Variants in CPED1 observed in about 807,000 individuals in gnomAD.
CPED1 encodes the protein cadherin like and PC-esterase domain containing 1.
Under a neutral mutation model 128.2 loss-of-function variants are expected in CPED1, and 114 were observed. The ratio of observed to expected loss-of-function variants is 0.89; its 90% CI spans 0.76 to 1.04. CPED1 has a LOEUF of 1.04. Ranked by LOEUF, CPED1 falls within the 50% of genes least tolerant of loss-of-function variation. CPED1 has a pLI of 0.00. For missense variants in CPED1, 1,211 were observed against 1,207.1 expected (o/e 1.00, Z -0.05); for synonymous variants, 462 against 426.7 (o/e 1.08, Z -1.02).
intron 13 of CPED1, among the ~76,000 whole-genome samples, chr7:121,135,290 AT>A (rs1024670446): frequency 2.0e-5 from 3 of 151,460 alleles, no homozygotes; most frequent in East Asian, 3.9e-4. Flanking sequence ...TGTCAATAAT[AT>A]TTTTTTTTAG....
Position 121,177,643 on chromosome 7 carries a change from G to A in CPED1, c.2055+35502G>A, listed in dbSNP as rs575144087. On this transcript the variant is annotated intron_variant, in intron 16 of 22. Coordinates refer to ENST00000310396, the MANE Select transcript of CPED1 (RefSeq NM_024913.5). ...AGTTACACACATATAACAGTGCAAC[G>A]GCTAGTTCCTTCCAAAGAGCAGTGA... 5.9e-5 allele frequency among the ~76,000 whole-genome samples: 9 copies of A among 151,940 alleles called. No individual in the cohort carries two copies. In the South Asian group the frequency reaches 1.5e-3, roughly 25 times the overall value.
chr7:121,016,487 A>G (rs1052167146), intron 3 of CPED1, among the ~76,000 whole-genome samples: 4 of 152,208 alleles, frequency 2.6e-5, no homozygotes, highest in Admixed American at 2.6e-4. Flanking sequence ...GGTCACATTT[A>G]ACTTACACTA....
intron 22 of CPED1, among the ~76,000 whole-genome samples, chr7:121,286,419 C>A (rs1792574687): frequency 6.6e-6 from 1 of 152,182 alleles, no homozygotes; most frequent in South Asian, 2.1e-4. Context: ...CATAACTAAA[C>A]AAGCATGGCA....
intron 4 of CPED1, chr7:121,062,768 T>C (rs1218393757): frequency 1.3e-5 from 2 of 152,152 alleles, no homozygotes; most frequent in Admixed American, 6.6e-5. Flanking sequence ...GGGAGATAAT[T>C]GAATCATGGG....
In CPED1 at chr7:121,116,960, C is replaced by A. The variant is rs201066444; in HGVS notation, c.919-7371C>A. ...ATAGAAACTCTCTCTCTCTCTCTCT[C>A]TCTATATATATATATATACACACAC... On this transcript the variant is annotated intron_variant, in intron 7 of 22. Transcript: ENST00000310396. 6.2e-3 allele frequency among the ~76,000 whole-genome samples: 511 copies of A among 82,294 alleles called. 2 individuals are homozygous for A. Among genetic ancestry groups the A allele is most frequent in the African/African-American group, 0.017 (455 of 26,634 alleles). The allele number at this position is 82,294 out of a possible 152,430, so 54.0% of individuals were successfully genotyped here.
intron 17 of CPED1, among the ~76,000 whole-genome samples, chr7:121,240,646 T>C (rs1353322951): frequency 6.6e-6 from 1 of 151,376 alleles, no homozygotes; most frequent in Non-Finnish European, 1.5e-5. Context: ...TAGCCTAATA[T>C]GATAAAAGGA....
At chr7:121,105,507 G>T (rs1229514759) in intron 7 of CPED1, among the ~76,000 whole-genome samples, 1 of 152,100 alleles carries the variant, frequency 6.6e-6, no homozygotes, top group Non-Finnish European at 1.5e-5. Flanking sequence ...ATTTATGTCA[G>T]CTGTAGAAAG....
chr7:121,050,753 C>T (rs544697775), intron 4 of CPED1: 12 of 452,778 alleles, frequency 2.7e-5, no homozygotes, highest in African/African-American at 1.0e-4. Flanking sequence ...TGTGAGCCAC[C>T]GTGCCCGGCC....
intron 7 of CPED1, among the ~76,000 whole-genome samples, chr7:121,104,717 A>T (rs1322314386): frequency 6.6e-6 from 1 of 152,154 alleles, no homozygotes; most frequent in Non-Finnish European, 1.5e-5. Flanking sequence ...TTATATGAAG[A>T]TGATTCCTTG....
chr7:121,117,395 C>T (rs958839583), intron 7 of CPED1, among the ~76,000 whole-genome samples: 6 of 152,048 alleles, frequency 3.9e-5, no homozygotes, highest in African/African-American at 1.4e-4. Flanking sequence ...GCCACCACAC[C>T]TGGCCAAATT....
At chr7:121,202,347 A>AGGAGGAAGT (rs1797418608) in intron 16 of CPED1, among the ~76,000 whole-genome samples, 1 of 152,164 alleles carries the variant, frequency 6.6e-6, no homozygotes, top group Non-Finnish European at 1.5e-5. Context: ...CATTGGAGAC[A>AGGAGGAAGT]GGAGGAAGTG....
chr7:121,008,046 G>A (rs1036050819), intron 2 of CPED1, among the ~76,000 whole-genome samples: 22 of 151,746 alleles, frequency 1.4e-4, no homozygotes, highest in Non-Finnish European at 4.4e-5. Flanking sequence ...GGTGGCTTGC[G>A]GTTTTTAGAA....
At chr7:121,020,883 T>C (rs998825062) in intron 3 of CPED1, among the ~76,000 whole-genome samples, 1 of 151,932 alleles carries the variant, frequency 6.6e-6, no homozygotes, top group African/African-American at 2.4e-5. Flanking sequence ...TAAACAACAG[T>C]AAGTTATGCA....
intron 16 of CPED1, among the ~76,000 whole-genome samples, chr7:121,198,522 T>C (rs1381922346): frequency 6.6e-6 from 1 of 152,082 alleles, no homozygotes; most frequent in Admixed American, 6.6e-5. Context: ...ATGGGGTTGT[T>C]CCCTGTGTTT....
intron 3 of CPED1, among the ~76,000 whole-genome samples, chr7:121,046,530 C>T (rs1793205239): frequency 6.6e-6 from 1 of 151,854 alleles, no homozygotes; most frequent in Non-Finnish European, 1.5e-5. Context: ...ATTATTTTTT[C>T]TCCCAAATCT....
chr7:121,035,034 G>A (rs1301864547), intron 3 of CPED1, among the ~76,000 whole-genome samples: 1 of 152,094 alleles, frequency 6.6e-6, no homozygotes, highest in Non-Finnish European at 1.5e-5. Flanking sequence ...GGAGGGAAGA[G>A]CATTCAAAAG....
intron 3 of CPED1, among the ~76,000 whole-genome samples, chr7:121,021,457 G>A (rs1792439971): frequency 6.6e-6 from 1 of 151,878 alleles, no homozygotes; most frequent in African/African-American, 2.4e-5. Context: ...ATCCACGACA[G>A]ATCAATCTTA....
chr7:121,241,526 T>G (rs984420987), intron 17 of CPED1, among the ~76,000 whole-genome samples: 2 of 152,074 alleles, frequency 1.3e-5, no homozygotes, highest in Non-Finnish European at 2.9e-5. Context: ...AACCAGAAAC[T>G]TTAGAAACAT....
intron 16 of CPED1, among the ~76,000 whole-genome samples, chr7:121,190,762 A>G (rs1354600897): frequency 6.6e-6 from 1 of 152,076 alleles, no homozygotes; most frequent in African/African-American, 2.4e-5. Flanking sequence ...TTGACCGTCA[A>G]AAACTTCTCT....
Sources: allele counts gnomAD v4.1 joint callset (sites outside exome capture counted in the v4.1 genomes callset), GRCh38; gene constraint gnomAD v4.1.1; transcripts MANE v1.5; gene names NCBI Gene and HGNC (gene_info 2026-07-23, HGNC 2026-07-21).